SOAT1: variants seen among roughly 807,000 people sequenced by gnomAD.
SOAT1 encodes acyl-coenzyme A:cholesterol acyltransferase 1.
A neutral mutation model predicts 69.5 loss-of-function variants in SOAT1; 55 were observed. The observed-to-expected ratio is 0.79, with a 90% CI of 0.64 to 0.99. SOAT1 has a LOEUF of 0.99. Ranked by LOEUF, SOAT1 falls within the 50% of genes least tolerant of loss-of-function variation. SOAT1 has a pLI of 0.00. For synonymous variants in SOAT1, 231 were observed against 224.7 expected (o/e 1.03, Z -0.25); for missense variants, 580 against 669.3 (o/e 0.87, Z 1.47).
chr1:179,310,975 T>A (rs1186770588), intron 2 of SOAT1, among the ~76,000 whole-genome samples: 1 of 151,948 alleles, frequency 6.6e-6, no homozygotes, highest in Non-Finnish European at 1.5e-5. Flanking sequence ...TGACTAGGGG[T>A]CAGGAGACAA....
chr1:179,313,985 T>C (rs1332106234), intron 2 of SOAT1, among the ~76,000 whole-genome samples: 1 of 152,206 alleles, frequency 6.6e-6, no homozygotes, highest in Non-Finnish European at 1.5e-5. Flanking sequence ...TTAAATACAA[T>C]ATTGTCAAGA....
chr1:179,303,332 C>T (rs944509936), intron 2 of SOAT1, among the ~76,000 whole-genome samples: 2 of 152,152 alleles, frequency 1.3e-5, no homozygotes, highest in African/African-American at 4.8e-5. Flanking sequence ...TGCTTAATGC[C>T]TGACTACAAA....
intron 15 of SOAT1, among the ~76,000 whole-genome samples, chr1:179,351,900 A>T (rs772481584): frequency 7.3e-5 from 11 of 151,462 alleles, no homozygotes; most frequent in Non-Finnish European, 1.6e-4. Flanking sequence ...TTGTATTTTT[A>T]GTAGAGATGG....
At chr1:179,303,962 T>C (rs1318996261) in intron 2 of SOAT1, among the ~76,000 whole-genome samples, 2 of 152,232 alleles carry the variant, frequency 1.3e-5, no homozygotes, top group Non-Finnish European at 2.9e-5. Flanking sequence ...ATTCTCTTTA[T>C]GTCCCAAGTT....
intron 14 of SOAT1, 105 bp downstream of exon 14, chr1:179,350,536 A>G: frequency 9.4e-7 from 1 of 1,067,610 alleles, no homozygotes; most frequent in Non-Finnish European, 1.4e-6. Flanking sequence ...TAGTAGTAGT[A>G]ACATTTTAAG....
rs1046329171 is a variant in SOAT1, at chr1:179,355,213, A to G, written c.*1572A>G. ...CCGCAGTAATGTTCTGCACAACAGT[A>G]TTGTAATTGTAATGGAATCATAACC... On this transcript the variant is annotated 3_prime_UTR_variant, in exon 16 of 16. Transcript: ENST00000367619. 2.6e-5 allele frequency: 4 copies of G among 152,220 alleles called. No homozygotes were observed. Among genetic ancestry groups the G allele is most frequent in the African/African-American group, 9.6e-5 (4 of 41,470 alleles). The allele number at this position is 152,220 out of a possible 1,614,324, so 9.4% of individuals were successfully genotyped here.
intron 3 of SOAT1, among the ~76,000 whole-genome samples, chr1:179,328,227 A>C (rs1049348181): frequency 6.6e-6 from 1 of 152,206 alleles, no homozygotes; most frequent in Non-Finnish European, 1.5e-5. Context: ...GGGATCCACC[A>C]TCCCTGGCCT....
chr1:179,296,631 G>A (rs1380964604), intron 1 of SOAT1, among the ~76,000 whole-genome samples: 1 of 152,096 alleles, frequency 6.6e-6, no homozygotes, highest in Admixed American at 6.5e-5. Flanking sequence ...GTTGTGTTAG[G>A]GCCAACCTTT....
Position 179,358,288 on chromosome 1 carries a change from T to G in SOAT1, c.*4647T>G, listed in dbSNP as rs965200420. 2 of 152,188 alleles carry G rather than the reference T, an allele frequency of 1.3e-5. No homozygotes were observed. The allele number at this position is 152,188 out of a possible 1,614,324, so 9.4% of individuals were successfully genotyped here. ...ACTGTTTTTTTCTTAAGTGCTCTCT[T>G]CCTTATTTCTACATTACTACATTCA... On this transcript the variant is annotated 3_prime_UTR_variant, in exon 16 of 16. Transcript: ENST00000367619.
Position 179,347,707 on chromosome 1 carries a change from ACT to A in SOAT1, c.1215+11_1215+12del. 9.5e-6 allele frequency: 14 copies of A among 1,473,640 alleles called. No homozygotes were observed. The highest frequency in any genetic ancestry group is 1.3e-5 in the Non-Finnish European group (14 of 1,067,946). The allele number at this position is 1,473,640 out of a possible 1,614,324, so 91.3% of individuals were successfully genotyped here. A position where few individuals can be genotyped will look rare whatever the true frequency, so the allele number is the denominator to read the frequency against. On this transcript the variant is annotated intron_variant, in intron 12 of 15. Coordinates refer to ENST00000367619, the MANE Select transcript of SOAT1 (RefSeq NM_003101.6). Reference sequence around the variant, plus strand: ...CAGGATGTTCTATAAGGTAGTATATACTTAGACTTAGCTTTCTTTTTACATTT... The same window carrying A: ...CAGGATGTTCTATAAGGTAGTATATATAGACTTAGCTTTCTTTTTACATTT...
chr1:179,319,237 T>A (rs1237531646), intron 2 of SOAT1, among the ~76,000 whole-genome samples: 2 of 151,886 alleles, frequency 1.3e-5, no homozygotes, highest in African/African-American at 2.4e-5. Flanking sequence ...GCTTTTTTTT[T>A]TAAAAGAAAT....
At chr1:179,340,769 T>C (rs1210761207) in intron 6 of SOAT1, among the ~76,000 whole-genome samples, 1 of 152,024 alleles carries the variant, frequency 6.6e-6, no homozygotes, top group South Asian at 2.1e-4. Flanking sequence ...TTGAAGACTG[T>C]ATTTATCTTA....
intron 2 of SOAT1, among the ~76,000 whole-genome samples, chr1:179,304,280 C>CT (rs369740783): frequency 3.5e-3 from 485 of 137,862 alleles, no homozygotes; most frequent in South Asian, 8.8e-3. Context: ...TCTTTCTCTC[C>CT]TTTTTTTTTT....
intron 2 of SOAT1, among the ~76,000 whole-genome samples, chr1:179,310,376 A>G (rs1394404517): frequency 5.9e-5 from 9 of 152,122 alleles, no homozygotes; most frequent in African/African-American, 2.2e-4. Flanking sequence ...TAGTTTTCCA[A>G]AATGGCTAGT....
Position 179,348,860 on chromosome 1 carries a change from C to G in SOAT1, c.1232C>G (p.Thr411Arg). Residue 411 changes from threonine (T) to arginine (R), a missense_variant, in exon 13 of 16, where the codon ACG (threonine) becomes AGG (arginine). Physicochemically the swap from Thr to Arg is moderately conservative, Grantham distance 71. Transcript: ENST00000367619. The stretch of plus-strand genomic sequence containing the variant: ...TTCCCTCAGGATTGGTGGAACTCCA[C>G]GTCATACTCCAACTATTATAGAACC... The part of the protein sequence containing the change: ...RMFYKDWWNS[T>R]SYSNYYRTWN... The G allele has an allele frequency of 1.3e-6, 2 of 1,595,480 alleles. No homozygotes were observed.
At chr1:179,320,795 G>A (rs1665569767) in intron 2 of SOAT1, among the ~76,000 whole-genome samples, 1 of 152,028 alleles carries the variant, frequency 6.6e-6, no homozygotes, top group Admixed American at 6.6e-5. Flanking sequence ...GAGTGCAGTG[G>A]CATAATCTCA....
chr1:179,302,506 C>T (rs916992648), intron 1 of SOAT1, among the ~76,000 whole-genome samples, 171 bp from the exon 2 acceptor site: 1 of 152,184 alleles, frequency 6.6e-6, no homozygotes, highest in Admixed American at 6.5e-5. Flanking sequence ...TAAGACATGC[C>T]TTGCCTCCCC....
intron 2 of SOAT1, among the ~76,000 whole-genome samples, chr1:179,310,820 T>G (rs1454721298): frequency 6.6e-6 from 1 of 152,222 alleles, no homozygotes; most frequent in Non-Finnish European, 1.5e-5. Context: ...CTAATTCTGT[T>G]CTTGCCACAA....
chr1:179,339,626 T>A, intron 6 of SOAT1, 81 bp downstream of exon 6: 1 of 782,782 alleles, frequency 1.3e-6, no homozygotes, highest in Non-Finnish European at 2.0e-6. Context: ...AAGGGTAAAT[T>A]GATTAAATTG....
Sources: gnomAD v4.1 joint callset for allele counts (sites outside exome capture counted in the v4.1 genomes callset) on GRCh38, gnomAD v4.1.1 for gene constraint, MANE v1.5 for transcripts, NCBI Gene and HGNC (gene_info 2026-07-23, HGNC 2026-07-21) for gene names.